Variants in C1orf87 observed in about 807,000 individuals in gnomAD.
C1orf87 encodes the protein chromosome 1 open reading frame 87, also known as uncharacterized protein C1orf87.
C1orf87 carries 58 observed loss-of-function variants against 60.5 expected under a neutral mutation model. The observed-to-expected ratio is 0.96, with a 90% CI of 0.78 to 1.19. The LOEUF is 1.19. C1orf87 is among the 50% of genes most tolerant of loss of function. The pLI is 0.00. For synonymous variants in C1orf87, 236 were observed against 227.4 expected, an observed-to-expected ratio of 1.04 and a Z score of -0.34; for missense variants, 673 against 638.6, an observed-to-expected ratio of 1.05 and a Z score of -0.58.
intron 9 of C1orf87, among the ~76,000 whole-genome samples, chr1:60,006,423 G>C (rs1339225662): frequency 6.6e-6 from 1 of 152,056 alleles, no homozygotes; most frequent in African/African-American, 2.4e-5. Context: ...TAACTAGTAT[G>C]AGTATTTTTT....
intron 8 of C1orf87, 114 bp from the exon 9 acceptor site, chr1:60,010,570 ATCATTT>A: frequency 2.3e-6 from 2 of 886,582 alleles, no homozygotes; most frequent in South Asian, 3.0e-5. Context: ...TGATACTTCT[ATCATTT>A]AAGGTCCAAT....
At chr1:60,050,168 T>A (rs570669330) in intron 3 of C1orf87, among the ~76,000 whole-genome samples, 15 of 152,164 alleles carry the variant, frequency 9.9e-5, no homozygotes, top group African/African-American at 3.6e-4. Flanking sequence ...AACCGAACAC[T>A]ATTTTTTTGT....
At position 60,047,550 on chromosome 1, in the gene C1orf87, T is replaced by G. The variant is rs549202718; in HGVS notation, c.343-6419A>C. On this transcript the variant is annotated intron_variant, in intron 3 of 11. Transcript: ENST00000371201. ...CCTGAACATAATGCAGATGCAAGGC[T>G]ACTCATTGCTTCGGGCCTAGTCATT... 2.6e-5 allele frequency among the ~76,000 whole-genome samples: 4 copies of G among 152,318 alleles called. No homozygotes were observed. In the East Asian group the frequency reaches 7.7e-4, roughly 29 times the overall value.
At position 60,037,998 on chromosome 1, in the gene C1orf87, C is replaced by CTA. The variant is rs757208994; in HGVS notation, c.855_856dup (p.Ser286IlefsTer16). On this transcript the variant is annotated frameshift_variant, in exon 6 of 12. Coordinates refer to ENST00000371201, the MANE Select transcript of C1orf87 (RefSeq NM_152377.3). LOFTEE classifies it high-confidence loss of function. ...CAAAAAGGGAGAAGAGTACCTTTGG[C>CTA]TATGAGTGCCATGACTCTCAGTTTT... 3.7e-6 allele frequency: 6 copies of CTA among 1,604,830 alleles called. 1 individual carries two copies. In the Admixed American group the frequency reaches 6.7e-5, roughly 18 times the overall value.
intron 2 of C1orf87, among the ~76,000 whole-genome samples, chr1:60,063,918 G>T (rs111252753): frequency 6.6e-6 from 1 of 152,084 alleles, no homozygotes; most frequent in African/African-American, 2.4e-5. Context: ...GATCCTGGGT[G>T]TGTCTGTGAG....
chr1:59,990,788 T>C lies in C1orf87; in HGVS notation c.1526A>G (p.Asn509Ser), dbSNP rs771361884. 6.8e-6 allele frequency: 11 copies of C among 1,614,002 alleles called. No individual in the cohort carries two copies. The highest frequency in any genetic ancestry group is 3.3e-5 in the South Asian group (3 of 91,080). The change falls in exon 12 of 12, where the codon AAT (asparagine) becomes AGT (serine). Residue 509 changes from asparagine to serine, a missense_variant. Physicochemically the swap from Asn to Ser is conservative, Grantham distance 46 (BLOSUM62 1). Coordinates refer to ENST00000371201, the MANE Select transcript of C1orf87 (RefSeq NM_152377.3). ...GCTCAGGGACAGGTTGTAAATGAGA[T>C]TGTAGTTGTGAATGAGGCGTCTGGC... ...ERARRLIHNY[N>S]LIYNLSLSPQ...
At chr1:60,071,529 A>G (rs1328743980) in intron 2 of C1orf87, among the ~76,000 whole-genome samples, 1 of 152,234 alleles carries the variant, frequency 6.6e-6, no homozygotes, top group Non-Finnish European at 1.5e-5. Context: ...CTAACTGATT[A>G]TAGCAGTCAC....
intron 9 of C1orf87, 120 bp from the exon 10 acceptor site, chr1:60,001,276 T>A (rs898226993): frequency 2.7e-6 from 2 of 730,318 alleles, no homozygotes; most frequent in Admixed American, 3.5e-5. Context: ...TGCTCTGTGG[T>A]TGGCACTGTG....
At position 60,033,509 on chromosome 1, in the gene C1orf87, A is replaced by G; in HGVS notation, c.996T>C (p.Asp332=). Residue 332 remains aspartate, a synonymous_variant, in exon 7 of 12, where the codon GAT becomes GAC. Coordinates refer to ENST00000371201, the MANE Select transcript of C1orf87 (RefSeq NM_152377.3). ...DNLNLSFRKE[D]RSFSGCLPLP... ...GAGGGAGGCAGCCAGAGAACGAGCGATCTTCTTTTCGAAAACTCAGATTGA... is the reference window on the plus strand; with the variant it reads ...GAGGGAGGCAGCCAGAGAACGAGCGGTCTTCTTTTCGAAAACTCAGATTGA... 1 of 1,613,902 alleles carries G rather than the reference A, an allele frequency of 6.2e-7. No homozygotes were observed. The highest frequency in any genetic ancestry group is 8.5e-7 in the Non-Finnish European group (1 of 1,179,902).
At chr1:60,038,182 T>C in intron 5 of C1orf87, 75 bp from the exon 6 acceptor site, 1 of 843,792 alleles carries the variant, frequency 1.2e-6, no homozygotes, top group Non-Finnish European at 1.7e-6. Flanking sequence ...AGATAAAATG[T>C]ATTTGGCAAA....
Position 59,990,789 on chromosome 1 carries a change from T to C in C1orf87, c.1525A>G (p.Asn509Asp), listed in dbSNP as rs1449009014. Residue 509 changes from asparagine to aspartate, a missense_variant, in exon 12 of 12, where the codon AAT becomes GAT. Asn to Asp is a conservative substitution (Grantham distance 23). Transcript: ENST00000371201. Reference sequence around the variant, plus strand: ...CTCAGGGACAGGTTGTAAATGAGATTGTAGTTGTGAATGAGGCGTCTGGCT... The same window carrying C: ...CTCAGGGACAGGTTGTAAATGAGATCGTAGTTGTGAATGAGGCGTCTGGCT... ...ERARRLIHNY[N>D]LIYNLSLSPQ... 1.2e-6 allele frequency: 2 copies of C among 1,614,010 alleles called. No homozygotes were observed. The highest frequency in any genetic ancestry group is 8.5e-7 in the Non-Finnish European group (1 of 1,179,956).
chr1:60,034,190 G>T (rs1167137786), intron 6 of C1orf87, among the ~76,000 whole-genome samples: 4 of 152,122 alleles, frequency 2.6e-5, no homozygotes, highest in Non-Finnish European at 5.9e-5. Flanking sequence ...AGAAATGTTT[G>T]GGAGTAATTA....
At chr1:60,047,732 CAA>C (rs11415374) in intron 3 of C1orf87, among the ~76,000 whole-genome samples, 2 of 145,776 alleles carry the variant, frequency 1.4e-5, no homozygotes, top group African/African-American at 5.1e-5. Flanking sequence ...ATAGCAAGTC[CAA>C]AAAAAAAAAA....
At chr1:59,996,963 G>C (rs1430048026) in intron 11 of C1orf87, among the ~76,000 whole-genome samples, 1 of 152,120 alleles carries the variant, frequency 6.6e-6, no homozygotes, top group African/African-American at 2.4e-5. Flanking sequence ...GGATGTTAAA[G>C]AATCCTAAGA....
chr1:60,050,810 A>G (rs753431008), intron 3 of C1orf87, among the ~76,000 whole-genome samples: 8 of 152,138 alleles, frequency 5.3e-5, no homozygotes, highest in Non-Finnish European at 7.4e-5. Context: ...ATGAAAATGA[A>G]CAAGCAACAA....
intron 6 of C1orf87, among the ~76,000 whole-genome samples, chr1:60,035,146 A>G (rs1294247683): frequency 4.6e-5 from 7 of 152,136 alleles, no homozygotes; most frequent in Admixed American, 4.6e-4. Context: ...GGCAGAGGAG[A>G]ATGCCAACTA....
intron 2 of C1orf87, among the ~76,000 whole-genome samples, chr1:60,059,479 T>C (rs878916267): frequency 3.3e-5 from 5 of 152,140 alleles, no homozygotes; most frequent in Admixed American, 3.3e-4. Flanking sequence ...TCGTTCCCTC[T>C]CTCACCGGGC....
At chr1:59,996,110 T>C (rs768300504) in intron 11 of C1orf87, among the ~76,000 whole-genome samples, 1 of 152,180 alleles carries the variant, frequency 6.6e-6, no homozygotes, top group Non-Finnish European at 1.5e-5. Flanking sequence ...GGATTTTGTA[T>C]GGCAATTATA....
rs1362858214 is a variant in C1orf87 at position 60,001,174 on chromosome 1, A to T, written c.1193-18T>A. On this transcript the variant is annotated intron_variant, in intron 9 of 11. Transcript: ENST00000371201. ...ATTCTTCCCTGAACAAGAATAAAAA[A>T]AAAAAAAGGAAGGGTTTAGCTTGGT... is the stretch of plus-strand genomic sequence containing the variant. The T allele has an allele frequency of 6.5e-7, 1 of 1,536,452 alleles. No individual in the cohort carries two copies. The highest frequency in any genetic ancestry group is 8.8e-7 in the Non-Finnish European group (1 of 1,140,882).
Sources: gnomAD v4.1 joint callset for allele counts (sites outside exome capture counted in the v4.1 genomes callset) on GRCh38, gnomAD v4.1.1 for gene constraint, MANE v1.5 for transcripts, NCBI Gene and HGNC (gene_info 2026-07-23, HGNC 2026-07-21) for gene names.